Variants in ACTG2 observed in about 807,000 individuals in gnomAD.
ACTG2 encodes actin, gamma-enteric smooth muscle.
In ACTG2, 16 loss-of-function variants were observed where a neutral mutation model predicts 37.6. The ratio of observed to expected loss-of-function variants is 0.43; its 90% CI spans 0.29 to 0.65. The LOEUF (loss-of-function observed/expected upper bound fraction) is 0.65, where lower values mean the gene tolerates loss of function less well. ACTG2 is among the 30% of genes least tolerant of loss of function. ACTG2 has a pLI of 0.18. For missense variants in ACTG2, 238 were observed against 490.9 expected, an observed-to-expected ratio of 0.48 and a Z score of 4.87; for synonymous variants, 181 against 179.9, an observed-to-expected ratio of 1.01 and a Z score of -0.05.
At chr2:73,899,747 G>C (rs892368219) in intron 1 of ACTG2, among the ~76,000 whole-genome samples, 1 of 152,156 alleles carries the variant, frequency 6.6e-6, no homozygotes, top group Non-Finnish European at 1.5e-5. Context: ...TTAGTACATG[G>C]CTTTATCAAG....
chr2:73,916,138 G>A (rs547344062), intron 7 of ACTG2, among the ~76,000 whole-genome samples: 1 of 152,250 alleles, frequency 6.6e-6, no homozygotes, highest in South Asian at 2.1e-4. Context: ...AGCACTTTGG[G>A]AGGCCGAGAT....
intron 6 of ACTG2, 28 bp downstream of exon 6, chr2:73,913,674 T>A: frequency 1.3e-6 from 2 of 1,584,498 alleles, no homozygotes; most frequent in Admixed American, 1.7e-5. Flanking sequence ...TGATTCTGAC[T>A]GGAGCTCAGA....
intron 3 of ACTG2, among the ~76,000 whole-genome samples, chr2:73,904,734 A>C (rs1428942297): frequency 8.6e-6 from 1 of 116,700 alleles, no homozygotes; most frequent in African/African-American, 3.3e-5. Flanking sequence ...TATATCTATA[A>C]ATCATTGTGT....
intron 1 of ACTG2, among the ~76,000 whole-genome samples, chr2:73,896,173 A>C (rs1679743782): frequency 1.3e-5 from 2 of 152,106 alleles, no homozygotes; most frequent in South Asian, 2.1e-4. Context: ...GTTTCAACAA[A>C]AAAAATTTTT....
intron 2 of ACTG2, 32 bp from the exon 3 acceptor site, chr2:73,902,328 T>C: frequency 1.2e-6 from 2 of 1,611,002 alleles, no homozygotes; most frequent in Non-Finnish European, 1.7e-6. Context: ...CCCTCAGCCA[T>C]TCATTTCTCT....
chr2:73,902,762 A>T, intron 3 of ACTG2: 1 of 1,550,112 alleles, frequency 6.5e-7, no homozygotes, highest in Non-Finnish European at 8.7e-7. Flanking sequence ...ATCTTTCTAA[A>T]CACAGGTCAG....
chr2:73,897,531 T>G (rs1679776196), intron 1 of ACTG2, among the ~76,000 whole-genome samples: 1 of 152,156 alleles, frequency 6.6e-6, no homozygotes, highest in Admixed American at 6.5e-5. Flanking sequence ...TGAACCACCA[T>G]GAGGCTGGAC....
At chr2:73,902,888 CTT>C in intron 3 of ACTG2, 1 of 1,041,168 alleles carries the variant, frequency 9.6e-7, no homozygotes, top group Non-Finnish European at 1.4e-6. Flanking sequence ...CCGCGATCAT[CTT>C]TTCCTGCAAT....
intron 1 of ACTG2, among the ~76,000 whole-genome samples, chr2:73,893,307 T>C (rs1679668565): frequency 1.3e-5 from 2 of 152,212 alleles, no homozygotes; most frequent in South Asian, 2.1e-4. Flanking sequence ...CGGGATATAA[T>C]GCCTGCAGTC....
chr2:73,913,612 C>T lies in ACTG2; in HGVS notation c.579C>T (p.Ile193=). ...ACCTCACGGACTACCTCATGAAGAT[C>T]CTCACAGAGAGAGGCTATTCCTTTG... ...GRDLTDYLMK[I]LTERGYSFVT... Residue 193 remains isoleucine, a synonymous_variant, in exon 6 of 9, where the codon ATC becomes ATT. Transcript: ENST00000345517. 1.2e-6 allele frequency: 2 copies of T among 1,613,706 alleles called. No homozygotes were observed. Among genetic ancestry groups the T allele is most frequent in the Non-Finnish European group, 8.5e-7 (1 of 1,179,780 alleles).
At chr2:73,906,926 T>G (rs1394438231) in intron 3 of ACTG2, among the ~76,000 whole-genome samples, 2 of 152,186 alleles carry the variant, frequency 1.3e-5, no homozygotes. Context: ...CCCAGGTGAC[T>G]CTGAGACAGG....
At chr2:73,915,247 C>T (rs1047909471) in intron 7 of ACTG2, among the ~76,000 whole-genome samples, 14 of 151,984 alleles carry the variant, frequency 9.2e-5, no homozygotes, top group South Asian at 6.2e-4. Flanking sequence ...TGGCCAGGCG[C>T]GGTGGCTCAC....
At position 73,901,287 on chromosome 2, in the gene ACTG2, C is replaced by A. The variant is rs1283616469; in HGVS notation, c.-25C>A. On this transcript the variant is annotated 5_prime_UTR_variant, in exon 2 of 9. Transcript: ENST00000345517. ...CCGCAAATCCCAAGGTGCTCCAGTCCCCAGCTCACTCAGCCACACACACCA... is the reference window on the plus strand; with the variant it reads ...CCGCAAATCCCAAGGTGCTCCAGTCACCAGCTCACTCAGCCACACACACCA... 6.4e-7 allele frequency: 1 copy of A among 1,551,472 alleles called. No individual in the cohort carries two copies. Among genetic ancestry groups the A allele is most frequent in the East Asian group, 2.4e-5 (1 of 42,360 alleles).
Position 73,908,698 on chromosome 2 carries a change from AGC to A in ACTG2, c.282_283del (p.Glu94AspfsTer6), listed in dbSNP as rs756580314. 1 of 1,611,230 alleles carries A rather than the reference AGC, an allele frequency of 6.2e-7. No individual in the cohort carries two copies. The highest frequency in any genetic ancestry group is 1.7e-5 in the Admixed American group (1 of 59,086). On this transcript the variant is annotated frameshift_variant, in exon 4 of 9. Coordinates refer to ENST00000345517, the MANE Select transcript of ACTG2 (RefSeq NM_001615.4). LOFTEE classifies it high-confidence loss of function. Reference sequence around the variant, plus strand: ...ATCTGGCACCACTCCTTCTACAATGAGCTGCGTGTAGCACCTGAAGAGCACCC... The same window carrying A: ...ATCTGGCACCACTCCTTCTACAATGATGCGTGTAGCACCTGAAGAGCACCC...
chr2:73,897,742 G>C (rs1679780630), intron 1 of ACTG2, among the ~76,000 whole-genome samples: 1 of 152,230 alleles, frequency 6.6e-6, no homozygotes, highest in South Asian at 2.1e-4. Context: ...GGACATCCAA[G>C]ATCAAGGCAC....
At chr2:73,900,010 C>T (rs995504061) in intron 1 of ACTG2, among the ~76,000 whole-genome samples, 4 of 152,212 alleles carry the variant, frequency 2.6e-5, no homozygotes, top group African/African-American at 9.6e-5. Flanking sequence ...GCCTGTGGTG[C>T]TGTCTCCTCT....
At chr2:73,908,580 C>T in intron 3 of ACTG2, 93 bp from the exon 4 acceptor site, 12 of 1,075,632 alleles carry the variant, frequency 1.1e-5, no homozygotes, top group Non-Finnish European at 1.6e-5. Flanking sequence ...TCCTGTGTAA[C>T]ATGGTGCCAC....
chr2:73,913,702 C>A (rs1573472805), intron 6 of ACTG2, 56 bp downstream of exon 6: 1 of 1,472,972 alleles, frequency 6.8e-7, no homozygotes, highest in Non-Finnish European at 9.3e-7. Flanking sequence ...TGGTTTAGGA[C>A]AAGAAGTTCT....
At chr2:73,902,897 C>A (rs1653255) in intron 3 of ACTG2, 533,340 of 954,210 alleles carry the variant, frequency 0.56, 152,073 homozygotes, top group Admixed American at 0.69. Context: ...TCTTTTCCTG[C>A]AATATTTACT....
Sources: allele counts gnomAD v4.1 joint callset (sites outside exome capture counted in the v4.1 genomes callset), GRCh38; gene constraint gnomAD v4.1.1; transcripts MANE v1.5; gene names NCBI Gene and HGNC (gene_info 2026-07-23, HGNC 2026-07-21).